The following GPR39 variants were observed in gnomAD, a reference collection of about 807,000 sequenced individuals.
GPR39 encodes G protein-coupled receptor 39.
In GPR39, 23 loss-of-function variants were observed where a neutral mutation model predicts 18.4. That is an observed-to-expected ratio of 1.25 (90% CI 0.90 to 1.77). GPR39 has a LOEUF of 1.77. Ranked by LOEUF, GPR39 falls within the 40% of genes most tolerant of loss-of-function variation. The probability of loss-of-function intolerance (pLI) is 0.00; values close to 1 mark genes in which losing one functional copy is unlikely to be tolerated. For missense variants in GPR39, 647 were observed against 602.4 expected, an observed-to-expected ratio of 1.07 and a Z score of -0.78; for synonymous variants, 280 against 257.9, an observed-to-expected ratio of 1.09 and a Z score of -0.82.
At chr2:132,449,235 TTTTG>T (rs139138810) in intron 1 of GPR39, among the ~76,000 whole-genome samples, 21 of 82,780 alleles carry the variant, frequency 2.5e-4, no homozygotes, top group East Asian at 2.3e-3. Context: ...CTTCGTGTTT[TTTTG>T]TTTGTTTGTT....
In GPR39 at chr2:132,645,222, C is replaced by A; in HGVS notation, c.978C>A (p.Leu326=). 1 of 1,614,194 alleles carries A rather than the reference C, an allele frequency of 6.2e-7. No individual in the cohort carries two copies. The highest frequency in any genetic ancestry group is 8.5e-7 in the Non-Finnish European group (1 of 1,180,030). Residue 326 remains leucine, a synonymous_variant, in exon 2 of 2, where the codon CTC becomes CTA. Coordinates refer to ENST00000329321, the MANE Select transcript of GPR39 (RefSeq NM_001508.3). ...RSYFRAYMIL[L]PFSETFFYLS... ...ACTTCCGGGCGTACATGATCCTCCT[C>A]CCCTTCTCGGAGACGTTTTTCTACC...
intron 1 of GPR39, among the ~76,000 whole-genome samples, chr2:132,493,432 TAC>T (rs1202391874): frequency 6.8e-6 from 1 of 146,412 alleles, no homozygotes; most frequent in Admixed American, 6.9e-5. Context: ...ACGCCATATA[TAC>T]ACACACCATA....
chr2:132,553,399 TAC>T lies in GPR39; in HGVS notation c.857-91701_857-91700del, dbSNP rs202080286. Among the ~76,000 whole-genome samples the T allele has an allele frequency of 6.2e-3, 928 of 150,040 alleles. 7 individuals carry two copies. The highest frequency in any genetic ancestry group is 0.022 in the African/African-American group (876 of 40,566). ...TGTGTGTATATATATAGTGTATATA[TAC>T]GTATATATATGTACACACACAAATA... On this transcript the variant is annotated intron_variant, in intron 1 of 1. Coordinates refer to ENST00000329321, the MANE Select transcript of GPR39 (RefSeq NM_001508.3).
At chr2:132,522,383 A>T (rs1022829470) in intron 1 of GPR39, among the ~76,000 whole-genome samples, 3 of 152,238 alleles carry the variant, frequency 2.0e-5, no homozygotes, top group African/African-American at 7.2e-5. Flanking sequence ...ACATCAATAG[A>T]TGCAGGATTT....
intron 1 of GPR39, among the ~76,000 whole-genome samples, chr2:132,621,484 A>G (rs1681440156): frequency 6.6e-6 from 1 of 152,042 alleles, no homozygotes; most frequent in Admixed American, 6.6e-5. Context: ...CTGTTTTCCA[A>G]TTGATTGGTT....
chr2:132,593,454 T>C (rs757670543), intron 1 of GPR39, among the ~76,000 whole-genome samples: 12 of 152,178 alleles, frequency 7.9e-5, no homozygotes, highest in Admixed American at 1.3e-4. Flanking sequence ...TTATCAGACA[T>C]GGTCTGAGAG....
intron 1 of GPR39, among the ~76,000 whole-genome samples, chr2:132,476,723 G>A (rs1573620897): frequency 6.6e-6 from 1 of 151,956 alleles, no homozygotes. Flanking sequence ...AGGAAGTGAG[G>A]TAGGGATGGA....
intron 1 of GPR39, among the ~76,000 whole-genome samples, chr2:132,509,604 G>A (rs1043832502): frequency 1.3e-5 from 2 of 152,172 alleles, no homozygotes; most frequent in Non-Finnish European, 2.9e-5. Context: ...AACTTGGATA[G>A]TTGTGACCTT....
chr2:132,438,249 C>T (rs550869795), intron 1 of GPR39, among the ~76,000 whole-genome samples: 1 of 152,338 alleles, frequency 6.6e-6, no homozygotes, highest in Admixed American at 6.5e-5. Flanking sequence ...ATAGCTCTGA[C>T]TCCAATAGGA....
intron 1 of GPR39, among the ~76,000 whole-genome samples, chr2:132,457,785 C>T (rs1389722257): frequency 2.0e-5 from 3 of 152,238 alleles, no homozygotes; most frequent in Non-Finnish European, 1.5e-5. Context: ...TGGTGGGCTC[C>T]GCCCAGTTTG....
chr2:132,416,942 G>A lies in GPR39; in HGVS notation c.-101G>A, dbSNP rs1679911569. On this transcript the variant is annotated 5_prime_UTR_variant, in exon 1 of 2. Coordinates refer to ENST00000329321, the MANE Select transcript of GPR39 (RefSeq NM_001508.3). ...GAACTCGAGTGAGATAAAATCGTGCGCCCACGCAGGTGAGTTTGCAGCCAA... is the reference window on the plus strand; with the variant it reads ...GAACTCGAGTGAGATAAAATCGTGCACCCACGCAGGTGAGTTTGCAGCCAA... 7.2e-7 allele frequency: 1 copy of A among 1,388,516 alleles called. No individual in the cohort carries two copies. Among genetic ancestry groups the A allele is most frequent in the African/African-American group, 1.4e-5 (1 of 69,580 alleles). The allele number at this position is 1,388,516 out of a possible 1,614,324, so 86.0% of individuals were successfully genotyped here.
At chr2:132,519,435 C>A (rs946146835) in intron 1 of GPR39, among the ~76,000 whole-genome samples, 19 of 152,146 alleles carry the variant, frequency 1.2e-4, no homozygotes, top group Admixed American at 4.6e-4. Flanking sequence ...TGTTTCATCT[C>A]TTTGGCAATG....
chr2:132,447,716 G>A (rs1203645210), intron 1 of GPR39, among the ~76,000 whole-genome samples: 1 of 152,146 alleles, frequency 6.6e-6, no homozygotes, highest in African/African-American at 2.4e-5. Flanking sequence ...AATCCATTAA[G>A]TTTAGCAACT....
At chr2:132,607,566 A>G (rs1036037784) in intron 1 of GPR39, among the ~76,000 whole-genome samples, 1 of 152,138 alleles carries the variant, frequency 6.6e-6, no homozygotes, top group Non-Finnish European at 1.5e-5. Flanking sequence ...CCTGCAGCCT[A>G]AAGTTATCTT....
intron 1 of GPR39, among the ~76,000 whole-genome samples, chr2:132,539,037 C>G (rs527878306): frequency 6.6e-5 from 10 of 152,284 alleles, no homozygotes; most frequent in African/African-American, 2.4e-4. Flanking sequence ...CCACTTGGCT[C>G]CCTGGCTTCA....
intron 1 of GPR39, among the ~76,000 whole-genome samples, chr2:132,570,919 G>A (rs924795834): frequency 2.0e-5 from 3 of 152,166 alleles, no homozygotes; most frequent in Admixed American, 6.5e-5. Flanking sequence ...GAAAGGGTGG[G>A]GCCTATTGCT....
At chr2:132,636,706 G>T (rs972363791) in intron 1 of GPR39, among the ~76,000 whole-genome samples, 2 of 152,212 alleles carry the variant, frequency 1.3e-5, no homozygotes, top group Non-Finnish European at 2.9e-5. Flanking sequence ...CAGCATTCTA[G>T]AGTTTTAATT....
At chr2:132,580,345 C>T (rs986993124) in intron 1 of GPR39, among the ~76,000 whole-genome samples, 1 of 152,128 alleles carries the variant, frequency 6.6e-6, no homozygotes, top group Non-Finnish European at 1.5e-5. Context: ...GAACCATTTC[C>T]CGTTTTCCTT....
chr2:132,513,558 A>G (rs1018775110), intron 1 of GPR39, among the ~76,000 whole-genome samples: 2 of 151,930 alleles, frequency 1.3e-5, no homozygotes, highest in East Asian at 1.9e-4. Context: ...AAGTCTGTCT[A>G]CTATGTACAC....
Sources: gnomAD v4.1 joint callset for allele counts (sites outside exome capture counted in the v4.1 genomes callset) on GRCh38, gnomAD v4.1.1 for gene constraint, MANE v1.5 for transcripts, NCBI Gene and HGNC (gene_info 2026-07-23, HGNC 2026-07-21) for gene names.